HMGCLL1: variants seen among roughly 807,000 people sequenced by gnomAD.
HMGCLL1 encodes the protein 3-hydroxy-3-methylglutaryl-CoA lyase like 1.
Under a neutral mutation model 39.1 loss-of-function variants are expected in HMGCLL1, and 36 were observed. The observed-to-expected ratio is 0.92, with a 90% CI of 0.71 to 1.22. HMGCLL1 has a LOEUF of 1.22. HMGCLL1 is among the 50% of genes most tolerant of loss of function. The probability of loss-of-function intolerance (pLI) is 0.00; values close to 1 mark genes in which losing one functional copy is unlikely to be tolerated. For synonymous variants in HMGCLL1, 149 were observed against 144.0 expected, an observed-to-expected ratio of 1.03 and a Z score of -0.25; for missense variants, 451 against 416.5, an observed-to-expected ratio of 1.08 and a Z score of -0.72.
chr6:55,631,149 G>A, the HMGCLL1 span, among the ~76,000 whole-genome samples: 2 of 151,810 alleles, frequency 1.3e-5, no homozygotes, highest in Admixed American at 1.3e-4. Context: ...AATATTAATA[G>A]CTCTAAGTTT....
chr6:55,572,586 G>A (rs1244048169), intron 1 of HMGCLL1, among the ~76,000 whole-genome samples: 1 of 152,030 alleles, frequency 6.6e-6, no homozygotes, highest in Non-Finnish European at 1.5e-5. Context: ...TCATGAGGCA[G>A]ATAATCTTTT....
the HMGCLL1 span, among the ~76,000 whole-genome samples, chr6:55,631,007 G>A: frequency 6.6e-6 from 1 of 151,948 alleles, no homozygotes; most frequent in African/African-American, 2.4e-5. Context: ...TGACCTTTGA[G>A]AGTTTGATTA....
At chr6:55,465,665 G>C (rs571941415) in intron 7 of HMGCLL1, among the ~76,000 whole-genome samples, 1 of 152,032 alleles carries the variant, frequency 6.6e-6, no homozygotes, top group South Asian at 2.1e-4. Context: ...TTATAAGACA[G>C]TGTTTAGTTT....
At chr6:55,529,404 A>C (rs75934807) in intron 3 of HMGCLL1, among the ~76,000 whole-genome samples, 1 of 152,080 alleles carries the variant, frequency 6.6e-6, no homozygotes, top group Non-Finnish European at 1.5e-5. Flanking sequence ...CTGTAAGCCA[A>C]CTTGCACAGA....
At chr6:55,464,405 C>A (rs1487154949) in intron 7 of HMGCLL1, among the ~76,000 whole-genome samples, 1 of 152,016 alleles carries the variant, frequency 6.6e-6, no homozygotes, top group East Asian at 1.9e-4. Context: ...GTTTAAAAGG[C>A]CGTTTCTACT....
chr6:55,516,619 G>C lies in HMGCLL1; in HGVS notation c.298-16C>G. 1 of 1,488,062 alleles carries C rather than the reference G, an allele frequency of 6.7e-7. No homozygotes were observed. The highest frequency in any genetic ancestry group is 1.2e-5 in the South Asian group (1 of 82,512). 92.2% of individuals were successfully genotyped at this position (1,488,062 alleles called of 1,614,324 possible). ...GATCAGCCATCTTAAATACATAATA[G>C]TTATATGTAAATGTGTAACTTCGAA... is the stretch of plus-strand genomic sequence containing the variant. On this transcript the variant is annotated splice_polypyrimidine_tract_variant and intron_variant, in intron 3 of 8. Coordinates refer to ENST00000274901, the MANE Select transcript of HMGCLL1 (RefSeq NM_001042406.2).
the HMGCLL1 span, among the ~76,000 whole-genome samples, chr6:55,651,920 C>T: frequency 6.6e-6 from 1 of 152,006 alleles, no homozygotes; most frequent in Non-Finnish European, 1.5e-5. Flanking sequence ...CTCTCCCTTC[C>T]CAAAGTGCAC....
At chr6:55,613,135 G>A in the HMGCLL1 span, among the ~76,000 whole-genome samples, 1 of 152,018 alleles carries the variant, frequency 6.6e-6, no homozygotes, top group African/African-American at 2.4e-5. Context: ...GTGGGCAAAG[G>A]ACATGAACAG....
chr6:55,659,122 G>A, the HMGCLL1 span, among the ~76,000 whole-genome samples: 19,330 of 151,836 alleles, frequency 0.13, 1,362 homozygotes, highest in East Asian at 0.23. Flanking sequence ...ATACCATATC[G>A]TATATGGGTG....
At chr6:55,668,782 T>C in the HMGCLL1 span, among the ~76,000 whole-genome samples, 1 of 151,558 alleles carries the variant, frequency 6.6e-6, no homozygotes, top group Non-Finnish European at 1.5e-5. Context: ...ATCAGCCAAG[T>C]GGTTATTTTT....
intron 7 of HMGCLL1, among the ~76,000 whole-genome samples, chr6:55,457,372 A>AAAAT (rs1230771938): frequency 6.6e-6 from 1 of 152,194 alleles, no homozygotes; most frequent in Non-Finnish European, 1.5e-5. Context: ...CAAAGTCATG[A>AAAAT]AAATAAATAA....
At chr6:55,610,996 T>C in the HMGCLL1 span, among the ~76,000 whole-genome samples, 1 of 152,042 alleles carries the variant, frequency 6.6e-6, no homozygotes, top group Non-Finnish European at 1.5e-5. Context: ...CAAAAATCTA[T>C]CACATAATTG....
intron 7 of HMGCLL1, among the ~76,000 whole-genome samples, chr6:55,473,488 G>C (rs1225044324): frequency 6.6e-6 from 1 of 151,196 alleles, no homozygotes; most frequent in Non-Finnish European, 1.5e-5. Context: ...ACCATTTCAT[G>C]TGTAGCACCA....
At chr6:55,593,270 C>T in the HMGCLL1 span, among the ~76,000 whole-genome samples, 1 of 152,062 alleles carries the variant, frequency 6.6e-6, no homozygotes, top group African/African-American at 2.4e-5. Context: ...TTATTCATAA[C>T]AATCATTCAA....
intron 3 of HMGCLL1, among the ~76,000 whole-genome samples, chr6:55,518,822 A>G (rs760643066): frequency 1.3e-5 from 2 of 152,122 alleles, no homozygotes; most frequent in African/African-American, 2.4e-5. Flanking sequence ...CTGAGGCCCT[A>G]GACACTGAAG....
At chr6:55,445,387 A>C (rs989190265) in intron 7 of HMGCLL1, among the ~76,000 whole-genome samples, 97 of 152,134 alleles carry the variant, frequency 6.4e-4, no homozygotes, top group African/African-American at 2.2e-3. Context: ...AAATAATTTT[A>C]ATATGATGTA....
chr6:55,526,305 T>C (rs559567668), intron 3 of HMGCLL1, among the ~76,000 whole-genome samples: 1 of 152,150 alleles, frequency 6.6e-6, no homozygotes, highest in Admixed American at 6.6e-5. Context: ...TTTATCTAGT[T>C]AATTGATTTC....
At chr6:55,676,248 A>G in the HMGCLL1 span, among the ~76,000 whole-genome samples, 1 of 152,144 alleles carries the variant, frequency 6.6e-6, no homozygotes, top group Admixed American at 6.6e-5. Context: ...AAAAACAAAC[A>G]AAGATAAACA....
chr6:55,528,656 C>G (rs1214168906), intron 3 of HMGCLL1, among the ~76,000 whole-genome samples: 1 of 141,504 alleles, frequency 7.1e-6, no homozygotes, highest in African/African-American at 2.6e-5. Context: ...TTTTTTTCTA[C>G]CCAATACCCT....
Sources: allele counts gnomAD v4.1 joint callset (sites outside exome capture counted in the v4.1 genomes callset), GRCh38; gene constraint gnomAD v4.1.1; transcripts MANE v1.5; gene names NCBI Gene and HGNC (gene_info 2026-07-23, HGNC 2026-07-21).